ITPR2: variants seen among roughly 807,000 people sequenced by gnomAD.
ITPR2 encodes the protein inositol 1,4,5-trisphosphate-gated calcium channel ITPR2.
Under a neutral mutation model 317.1 loss-of-function variants are expected in ITPR2, and 207 were observed. The ratio of observed to expected loss-of-function variants is 0.65; its 90% CI spans 0.58 to 0.73. The LOEUF is 0.73. Among genes scored for constraint, ITPR2 ranks in the 30% least tolerant of loss-of-function variants. ITPR2 has a pLI of 0.00. For synonymous variants in ITPR2, 1,156 were observed against 1,149.1 expected, an observed-to-expected ratio of 1.01 and a Z score of -0.12; for missense variants, 2,613 against 3,284.0, an observed-to-expected ratio of 0.80 and a Z score of 4.99.
Position 26,659,615 on chromosome 12 carries a change from T to G in ITPR2, c.1714-330A>C, listed in dbSNP as rs532039279. Among the ~76,000 whole-genome samples, 31 of 152,360 alleles carry G rather than the reference T, an allele frequency of 2.0e-4. No homozygotes were observed. The Middle Eastern group carries it at 0.014, about 67-fold the overall frequency. ...TATGACACAATAACTTTGGATTTCA[T>G]CAGTCTAACAGAGGCTAAGTGGGAA... On this transcript the variant is annotated intron_variant, in intron 15 of 56. Coordinates refer to ENST00000381340, the MANE Select transcript of ITPR2 (RefSeq NM_002223.4).
At chr12:26,829,975 C>T (rs1441182678) in intron 1 of ITPR2, among the ~76,000 whole-genome samples, 1 of 152,236 alleles carries the variant, frequency 6.6e-6, no homozygotes, top group Non-Finnish European at 1.5e-5. Context: ...GCAATCTCAG[C>T]TCACTGCAAC....
At chr12:26,366,912 A>T (rs1295153581) in intron 55 of ITPR2, among the ~76,000 whole-genome samples, 3 of 152,222 alleles carry the variant, frequency 2.0e-5, no homozygotes, top group Non-Finnish European at 4.4e-5. Flanking sequence ...ACAAAAAATC[A>T]TCCAGATGCC....
At chr12:26,701,516 G>A (rs1948446131) in intron 9 of ITPR2, among the ~76,000 whole-genome samples, 1 of 152,158 alleles carries the variant, frequency 6.6e-6, no homozygotes, top group African/African-American at 2.4e-5. Flanking sequence ...ATGTGTGTCA[G>A]GTACAATTTC....
intron 33 of ITPR2, 121 bp from the exon 34 acceptor site, chr12:26,578,954 A>C: frequency 1.0e-6 from 1 of 962,264 alleles, no homozygotes; most frequent in East Asian, 2.8e-5. Flanking sequence ...TTCAAGTTTC[A>C]GTGCTAGTTA....
Position 26,715,387 on chromosome 12 carries a change from T to A in ITPR2, c.767A>T (p.Tyr256Phe). The A allele has an allele frequency of 1.9e-6, 3 of 1,613,648 alleles. No individual in the cohort carries two copies. Among genetic ancestry groups the A allele is most frequent in the Non-Finnish European group, 2.5e-6 (3 of 1,179,632 alleles). The change falls in exon 8 of 57, where the codon TAT (tyrosine) becomes TTT (phenylalanine). Residue 256 changes from tyrosine to phenylalanine, a missense_variant. By Grantham distance (22) the Tyr-to-Phe change is conservative. Transcript: ENST00000381340. ...AAGGAAAATGTGCTGTTTTTTCTCA[T>A]ATTCATCACAAGTCAAAAACTTCTC... is the stretch of plus-strand genomic sequence containing the variant. ...EQEKFLTCDE[Y>F]EKKQHIFLRT...
chr12:26,526,810 GA>G (rs1324450249), intron 37 of ITPR2, among the ~76,000 whole-genome samples: 1 of 152,100 alleles, frequency 6.6e-6, no homozygotes, highest in Non-Finnish European at 1.5e-5. Context: ...AAATCAACAA[GA>G]CTAGCTGATG....
chr12:26,824,228 GA>G (rs1950980575), intron 1 of ITPR2, among the ~76,000 whole-genome samples: 2 of 152,120 alleles, frequency 1.3e-5, no homozygotes, highest in South Asian at 4.1e-4. Context: ...ATACTATACT[GA>G]AAGTTGAAAA....
intron 1 of ITPR2, among the ~76,000 whole-genome samples, chr12:26,790,751 A>G (rs1156462522): frequency 6.6e-6 from 1 of 152,154 alleles, no homozygotes; most frequent in Non-Finnish European, 1.5e-5. Context: ...GTGTAAGCTT[A>G]TGAGATCAGG....
At chr12:26,461,119 T>TGTTC (rs1420043453) in intron 45 of ITPR2, among the ~76,000 whole-genome samples, 1 of 152,096 alleles carries the variant, frequency 6.6e-6, no homozygotes, top group East Asian at 1.9e-4. Flanking sequence ...ACCTCTGGAG[T>TGTTC]GTTCTTTTTT....
intron 45 of ITPR2, among the ~76,000 whole-genome samples, chr12:26,456,594 T>C (rs1246586023): frequency 6.6e-6 from 1 of 152,194 alleles, no homozygotes; most frequent in African/African-American, 2.4e-5. Flanking sequence ...CACTTTACTC[T>C]ATGGACTTGC....
chr12:26,426,014 G>A (rs1169967052), intron 49 of ITPR2, among the ~76,000 whole-genome samples: 1 of 152,060 alleles, frequency 6.6e-6, no homozygotes, highest in Non-Finnish European at 1.5e-5. Context: ...TATATTCTTG[G>A]TCCAAAAACA....
intron 26 of ITPR2, among the ~76,000 whole-genome samples, chr12:26,616,165 T>A (rs1317837603): frequency 6.6e-6 from 1 of 151,918 alleles, no homozygotes; most frequent in Non-Finnish European, 1.5e-5. Context: ...TGAGACAGAG[T>A]CTCACTCTGT....
At chr12:26,768,197 A>T (rs1257917342) in intron 2 of ITPR2, among the ~76,000 whole-genome samples, 1 of 151,070 alleles carries the variant, frequency 6.6e-6, no homozygotes, top group Non-Finnish European at 1.5e-5. Flanking sequence ...CTATGTAACA[A>T]ACCTGCATAT....
chr12:26,669,862 G>C (rs1054494904), intron 13 of ITPR2, among the ~76,000 whole-genome samples: 9 of 152,230 alleles, frequency 5.9e-5, no homozygotes, highest in Non-Finnish European at 8.8e-5. Context: ...GCGCTTTTCC[G>C]ACGGGCTTAA....
At chr12:26,795,156 C>G (rs1950410321) in intron 1 of ITPR2, among the ~76,000 whole-genome samples, 1 of 152,130 alleles carries the variant, frequency 6.6e-6, no homozygotes, top group South Asian at 2.1e-4. Flanking sequence ...TCTAGAAACT[C>G]AACACCAAAA....
At chr12:26,826,787 G>A (rs940141856) in intron 1 of ITPR2, among the ~76,000 whole-genome samples, 9 of 152,036 alleles carry the variant, frequency 5.9e-5, no homozygotes, top group Middle Eastern at 3.4e-3. Flanking sequence ...TTTCATTTAC[G>A]AACCCCTCAA....
intron 23 of ITPR2, among the ~76,000 whole-genome samples, chr12:26,626,446 T>C (rs1366886763): frequency 6.6e-6 from 1 of 152,174 alleles, no homozygotes; most frequent in East Asian, 1.9e-4. Flanking sequence ...CCCTAGACTT[T>C]CCCTCTGGTA....
At chr12:26,684,006 G>C (rs948066800) in intron 11 of ITPR2, among the ~76,000 whole-genome samples, 1 of 152,186 alleles carries the variant, frequency 6.6e-6, no homozygotes, top group Non-Finnish European at 1.5e-5. Context: ...AAGGGACTCA[G>C]GCAAAGAGAT....
intron 2 of ITPR2, among the ~76,000 whole-genome samples, chr12:26,739,434 T>C (rs1949191898): frequency 6.6e-6 from 1 of 152,172 alleles, no homozygotes; most frequent in Admixed American, 6.5e-5. Flanking sequence ...TAGTGGTATA[T>C]CCATACAATA....
Sources: gnomAD v4.1 joint callset for allele counts (sites outside exome capture counted in the v4.1 genomes callset) on GRCh38, gnomAD v4.1.1 for gene constraint, MANE v1.5 for transcripts, NCBI Gene and HGNC (gene_info 2026-07-23, HGNC 2026-07-21) for gene names.